The following RAP1GAP variants were observed in gnomAD, a reference collection of about 807,000 sequenced individuals.
The protein encoded by RAP1GAP is rap1 GTPase-activating protein 1.
Under a neutral mutation model 87.2 loss-of-function variants are expected in RAP1GAP, and 35 were observed. That is an observed-to-expected ratio of 0.40 (90% confidence interval 0.31 to 0.53). The LOEUF (loss-of-function observed/expected upper bound fraction) is 0.53, where lower values mean the gene tolerates loss of function less well. RAP1GAP is among the 20% of genes least tolerant of loss of function. The pLI is 0.48. For synonymous variants in RAP1GAP, 375 were observed against 363.9 expected, an observed-to-expected ratio of 1.03 and a Z score of -0.35; for missense variants, 734 against 898.9, an observed-to-expected ratio of 0.82 and a Z score of 2.35.
chr1:21,669,136 G>GC lies in RAP1GAP; in HGVS notation c.-149+117dup. ...GGAGACCCGGGTCCCCCACGCGTTC[G>GC]CCCCCACCCTCCGTCCCCGCCCGCC... On this transcript the variant is annotated intron_variant, in intron 1 of 24. Coordinates refer to ENST00000374765, the MANE Select transcript of RAP1GAP (RefSeq NM_002885.4). This position sits in a 1 kb window ranked among gnomAD's most constrained non-coding sequence, Gnocchi z 5.6. The GC allele has an allele frequency of 9.1e-7, 1 of 1,101,942 alleles. No homozygotes were observed. The highest frequency in any genetic ancestry group is 1.1e-6 in the Non-Finnish European group (1 of 877,954). The allele number at this position is 1,101,942 out of a possible 1,614,324, so 68.3% of individuals were successfully genotyped here. A position where few individuals can be genotyped will look rare whatever the true frequency, so the allele number is the denominator to read the frequency against.
intron 2 of RAP1GAP, among the ~76,000 whole-genome samples, chr1:21,628,400 TAAAAAAA>T (rs528098037): frequency 3.2e-4 from 17 of 52,424 alleles, no homozygotes; most frequent in South Asian, 5.7e-4. Context: ...CCATCTCTAC[TAAAAAAA>T]AAAAAAAAAA....
chr1:21,633,345 G>A (rs1376326975), intron 2 of RAP1GAP, among the ~76,000 whole-genome samples: 1 of 152,166 alleles, frequency 6.6e-6, no homozygotes, highest in Non-Finnish European at 1.5e-5. Context: ...ACCTCCCCAG[G>A]CTGCAGGCAG....
chr1:21,599,389 A>C lies in RAP1GAP; in HGVS notation c.1776+105T>G. On this transcript the variant is annotated intron_variant, in intron 21 of 24. Coordinates refer to ENST00000374765, the MANE Select transcript of RAP1GAP (RefSeq NM_002885.4). The stretch of plus-strand genomic sequence containing the variant: ...CCTTTGGGCCGGGTCCCCTGATCAC[A>C]TCTCAGCCACGCCCAGGCTCGTGGT... 2.0e-6 allele frequency: 3 copies of C among 1,486,896 alleles called. No homozygotes were observed. In the South Asian group the frequency reaches 3.9e-5, roughly 20 times the overall value. The allele number at this position is 1,486,896 out of a possible 1,614,324, so 92.1% of individuals were successfully genotyped here.
At chr1:21,656,371 A>G (rs2152201317) in intron 1 of RAP1GAP, among the ~76,000 whole-genome samples, 1 of 150,018 alleles carries the variant, frequency 6.7e-6, no homozygotes, top group South Asian at 2.1e-4. Flanking sequence ...GTGACCAAAG[A>G]TCACACCACT....
chr1:21,600,754 G>T (rs1028668058), intron 20 of RAP1GAP, among the ~76,000 whole-genome samples: 6 of 151,824 alleles, frequency 4.0e-5, no homozygotes, highest in Admixed American at 2.6e-4. Context: ...GCATGGTGGC[G>T]GGCACCTGTA....
chr1:21,660,984 C>T (rs1242465697), intron 1 of RAP1GAP, among the ~76,000 whole-genome samples: 3 of 152,206 alleles, frequency 2.0e-5, no homozygotes, highest in Non-Finnish European at 2.9e-5. Flanking sequence ...CGCGGTGGCT[C>T]ATGCTTGTAA....
intron 23 of RAP1GAP, 109 bp downstream of exon 23, chr1:21,597,852 C>G (rs551399327): frequency 6.6e-7 from 1 of 1,506,790 alleles, no homozygotes; most frequent in African/African-American, 1.4e-5. Flanking sequence ...CCTGGCCTAG[C>G]GGGGCCTAGG....
intron 1 of RAP1GAP, among the ~76,000 whole-genome samples, chr1:21,667,971 T>C (rs1020364295): frequency 2.0e-5 from 3 of 152,112 alleles, no homozygotes; most frequent in African/African-American, 7.2e-5. Flanking sequence ...GAGAAGGGAA[T>C]GGGGGGCCCC....
intron 2 of RAP1GAP, among the ~76,000 whole-genome samples, chr1:21,632,694 G>A (rs1410707694): frequency 6.6e-6 from 1 of 151,996 alleles, no homozygotes; most frequent in Non-Finnish European, 1.5e-5. Flanking sequence ...GAAGCCAGGG[G>A]TTCGAGACCA....
chr1:21,660,345 A>ATATATATATTTATT, intron 1 of RAP1GAP, among the ~76,000 whole-genome samples: 4 of 92,612 alleles, frequency 4.3e-5, no homozygotes, highest in Non-Finnish European at 8.9e-5. Flanking sequence ...TCAGCTATAT[A>ATATATATATTTATT]TATTTATTGA....
In RAP1GAP at chr1:21,634,703, G is replaced by A; in HGVS notation, c.-112-8306C>T. ...TAACAGGTTGGCAGCCTAGAGAGGTGGTCACGGGACCGGTCCCTGCCCAGG... is the reference window on the plus strand; with the variant it reads ...TAACAGGTTGGCAGCCTAGAGAGGTAGTCACGGGACCGGTCCCTGCCCAGG... On this transcript the variant is annotated intron_variant, in intron 2 of 24. Transcript: ENST00000374765. The surrounding 1 kb of genome is among the most constrained non-coding windows in gnomAD (Gnocchi z 4.1). 2.5e-6 allele frequency: 1 copy of A among 396,108 alleles called. No individual in the cohort carries two copies. Among genetic ancestry groups the A allele is most frequent in the Non-Finnish European group, 5.2e-6 (1 of 190,480 alleles). The allele number at this position is 396,108 out of a possible 1,614,324, so 24.5% of individuals were successfully genotyped here. A position where few individuals can be genotyped will look rare whatever the true frequency, so the allele number is the denominator to read the frequency against.
chr1:21,654,454 G>A (rs1429126161), intron 1 of RAP1GAP, among the ~76,000 whole-genome samples: 2 of 152,178 alleles, frequency 1.3e-5, no homozygotes, highest in South Asian at 4.1e-4. Context: ...TACTTCAAAG[G>A]GTTTTGCCAA....
chr1:21,599,470 C>T (rs369364964), intron 21 of RAP1GAP, 24 bp downstream of exon 21: 16 of 1,598,956 alleles, frequency 1.0e-5, no homozygotes, highest in African/African-American at 9.4e-5. Flanking sequence ...CCTGTGGGGC[C>T]CCTGACCCCC....
At position 21,613,744 on chromosome 1, in the gene RAP1GAP, C is replaced by A. The variant is rs762947067; in HGVS notation, c.396-38G>T. 1 of 1,569,014 alleles carries A rather than the reference C, an allele frequency of 6.4e-7. No homozygotes were observed. Among genetic ancestry groups the A allele is most frequent in the East Asian group, 2.2e-5 (1 of 44,644 alleles). ...AGTCACACGATGAAGGCCTGGGCAG[C>A]AGGACAGGAAAATGGGAACCCCACC... is the stretch of plus-strand genomic sequence containing the variant. On this transcript the variant is annotated intron_variant, in intron 8 of 24. Coordinates refer to ENST00000374765, the MANE Select transcript of RAP1GAP (RefSeq NM_002885.4). This position sits in a 1 kb window ranked among gnomAD's most constrained non-coding sequence, Gnocchi z 4.7.
chr1:21,607,288 A>G (rs1374764374), intron 17 of RAP1GAP, among the ~76,000 whole-genome samples: 1 of 152,214 alleles, frequency 6.6e-6, no homozygotes, highest in Non-Finnish European at 1.5e-5. Context: ...GCAGACAGGC[A>G]AGGTTTTGCA....
intron 13 of RAP1GAP, 136 bp from the exon 14 acceptor site, chr1:21,610,411 G>T: frequency 1.1e-6 from 1 of 916,862 alleles, no homozygotes; most frequent in South Asian, 1.7e-5. Context: ...AAATAATGTA[G>T]CAAAAAAACT....
intron 15 of RAP1GAP, 46 bp from the exon 16 acceptor site, chr1:21,608,982 G>T: frequency 2.0e-6 from 3 of 1,519,430 alleles, no homozygotes; most frequent in South Asian, 2.2e-5. Context: ...AAGTTGAGAT[G>T]ACACATAAAC....
chr1:21,602,903 ACAAT>A lies in RAP1GAP; in HGVS notation c.1435_1438del (p.Ile479SerfsTer293). The A allele has an allele frequency of 3.1e-6, 5 of 1,609,034 alleles. No homozygotes were observed. Among genetic ancestry groups the A allele is most frequent in the Non-Finnish European group, 4.2e-6 (5 of 1,178,578 alleles). ...CTTCCTCGTGGGGCTCTTCCCAGGG[ACAAT>A]CAGTGACTGTGGGGAGAGGCCCCAA... On this transcript the variant is annotated frameshift_variant, in exon 19 of 25. Transcript: ENST00000374765. LOFTEE classifies it high-confidence loss of function.
At chr1:21,639,082 G>A (rs887988169) in intron 2 of RAP1GAP, among the ~76,000 whole-genome samples, 2 of 152,376 alleles carry the variant, frequency 1.3e-5, no homozygotes, top group Non-Finnish European at 2.9e-5. Flanking sequence ...GTCACGTCCT[G>A]CAAGCCAGGC....
Sources: allele counts gnomAD v4.1 joint callset (sites outside exome capture counted in the v4.1 genomes callset), GRCh38; gene constraint gnomAD v4.1.1; non-coding constraint Gnocchi (gnomAD v3.1); transcripts MANE v1.5; gene names NCBI Gene and HGNC (gene_info 2026-07-23, HGNC 2026-07-21).